The following GLIS1 variants were observed in gnomAD, a reference collection of about 807,000 sequenced individuals.
GLIS1 encodes the protein GLIS family zinc finger 1.
Under a neutral mutation model 63.8 loss-of-function variants are expected in GLIS1, and 24 were observed. That is an observed-to-expected ratio of 0.38 (90% CI 0.27 to 0.53). The LOEUF is 0.53. Among genes scored for constraint, GLIS1 ranks in the 20% least tolerant of loss-of-function variants. The pLI is 0.85. For synonymous variants in GLIS1, 450 were observed against 482.5 expected (o/e 0.93, Z 0.88); for missense variants, 1,036 against 1,074.1 (o/e 0.96, Z 0.50).
chr1:53,597,539 G>T (rs1254986043), intron 3 of GLIS1, among the ~76,000 whole-genome samples: 1 of 152,066 alleles, frequency 6.6e-6, no homozygotes, highest in South Asian at 2.1e-4. Flanking sequence ...TAGTATTAGA[G>T]AGTTAGGCTG....
chr1:53,628,943 C>G (rs1401126026), intron 2 of GLIS1, among the ~76,000 whole-genome samples: 1 of 152,180 alleles, frequency 6.6e-6, no homozygotes, highest in Admixed American at 6.5e-5. Flanking sequence ...CCCAAACTGT[C>G]TGGCACATCA....
intron 5 of GLIS1, among the ~76,000 whole-genome samples, chr1:53,525,285 G>C (rs1202407887): frequency 6.6e-6 from 1 of 151,344 alleles, no homozygotes; most frequent in Non-Finnish European, 1.5e-5. Flanking sequence ...TCTGCAGATG[G>C]GGAGGAGGAG....
At chr1:53,664,995 C>T (rs1417948069) in intron 2 of GLIS1, among the ~76,000 whole-genome samples, 3 of 151,846 alleles carry the variant, frequency 2.0e-5, no homozygotes, top group East Asian at 1.9e-4. Context: ...AGCAATGGGG[C>T]GAGGGGGGCA....
chr1:53,707,229 A>C (rs1458873584), intron 2 of GLIS1, among the ~76,000 whole-genome samples: 1 of 152,200 alleles, frequency 6.6e-6, no homozygotes, highest in Non-Finnish European at 1.5e-5. Flanking sequence ...GGGAAGTCAC[A>C]TAACCTAGAG....
chr1:53,677,127 T>C (rs1010284229), intron 2 of GLIS1, among the ~76,000 whole-genome samples: 4 of 152,246 alleles, frequency 2.6e-5, no homozygotes, highest in African/African-American at 9.6e-5. Context: ...CCTACAGCTC[T>C]GATGACAGAC....
chr1:53,691,670 A>T lies in GLIS1; in HGVS notation c.259+46136T>A, dbSNP rs573906389. Among the ~76,000 whole-genome samples the T allele has an allele frequency of 2.0e-5, 3 of 152,306 alleles. No homozygotes were observed. The South Asian group carries it at 6.2e-4, about 32-fold the overall frequency. Reference sequence around the variant, plus strand: ...CACTCCCTGCAGCCACTCAGCCAGCATCAAATCATACACTGGCCGAGCTTC... The same window carrying T: ...CACTCCCTGCAGCCACTCAGCCAGCTTCAAATCATACACTGGCCGAGCTTC... On this transcript the variant is annotated intron_variant, in intron 2 of 10. Transcript: ENST00000628545.
chr1:53,722,087 T>C (rs968146306), intron 2 of GLIS1, among the ~76,000 whole-genome samples: 3 of 152,138 alleles, frequency 2.0e-5, no homozygotes, highest in African/African-American at 7.2e-5. Flanking sequence ...AAACATATAA[T>C]GAAACCAGAT....
chr1:53,643,261 A>G (rs993009266), intron 2 of GLIS1, among the ~76,000 whole-genome samples: 5 of 152,200 alleles, frequency 3.3e-5, no homozygotes, highest in Non-Finnish European at 7.3e-5. Flanking sequence ...CAGCTCTGTA[A>G]AGTTTTAACG....
chr1:53,514,592 GC>G (rs1644330494), intron 8 of GLIS1, 32 bp downstream of exon 8: 1 of 1,599,516 alleles, frequency 6.3e-7, no homozygotes. Flanking sequence ...CCCCCTTGTT[GC>G]CCCTGGAGGA....
At chr1:53,661,304 T>A (rs1646025968) in intron 2 of GLIS1, among the ~76,000 whole-genome samples, 1 of 151,888 alleles carries the variant, frequency 6.6e-6, no homozygotes. Context: ...GGGGATGAGG[T>A]ACAGGGAGAC....
intron 4 of GLIS1, among the ~76,000 whole-genome samples, chr1:53,581,588 T>C (rs1276715820): frequency 1.3e-5 from 2 of 152,072 alleles, no homozygotes. Flanking sequence ...CATAACAGGA[T>C]TTCAGGTGGA....
At chr1:53,525,729 TA>T (rs932932157) in intron 5 of GLIS1, among the ~76,000 whole-genome samples, 11 of 151,770 alleles carry the variant, frequency 7.2e-5, no homozygotes, top group Admixed American at 1.3e-4. Context: ...CCTGGTGCCC[TA>T]CAGGCCATCT....
chr1:53,558,269 A>G lies in GLIS1; in HGVS notation c.1321-28317T>C, dbSNP rs544376669. Among the ~76,000 whole-genome samples the G allele has an allele frequency of 2.0e-5, 3 of 152,366 alleles. No individual in the cohort carries two copies. The East Asian group carries it at 5.8e-4, about 29-fold the overall frequency. On this transcript the variant is annotated intron_variant, in intron 4 of 10. Transcript: ENST00000628545. ...GACCTCTCCAGGCAGGCCAAGGGTCATGCTGAGAGTCAGCCCAGGGCTTTA... is the reference window on the plus strand; with the variant it reads ...GACCTCTCCAGGCAGGCCAAGGGTCGTGCTGAGAGTCAGCCCAGGGCTTTA...
At chr1:53,614,431 G>A (rs1172254430) in intron 2 of GLIS1, among the ~76,000 whole-genome samples, 1 of 152,104 alleles carries the variant, frequency 6.6e-6, no homozygotes, top group Non-Finnish European at 1.5e-5. Context: ...TCCAGGGCGG[G>A]AACACAGGCC....
At chr1:53,569,000 T>C (rs1452160055) in intron 4 of GLIS1, among the ~76,000 whole-genome samples, 1 of 152,162 alleles carries the variant, frequency 6.6e-6, no homozygotes. Flanking sequence ...TATTGAGCTA[T>C]AAAAAGACCT....
chr1:53,678,167 G>A (rs1399136913), intron 2 of GLIS1, among the ~76,000 whole-genome samples: 1 of 152,108 alleles, frequency 6.6e-6, no homozygotes, highest in Non-Finnish European at 1.5e-5. Context: ...CAGACCTGAT[G>A]ATGTCCCCAA....
In GLIS1 at chr1:53,512,147, T is replaced by A. The variant is rs185007532; in HGVS notation, c.1884-2120A>T. On this transcript the variant is annotated intron_variant, in intron 8 of 10. Coordinates refer to ENST00000628545, the MANE Select transcript of GLIS1 (RefSeq NM_001367484.1). ...TTGCCACCTTCACAGCTGGTGAAAT[T>A]AAACAGAACACAACTCTCTCCACAG... Among the ~76,000 whole-genome samples, 926 of 152,334 alleles carry A rather than the reference T, an allele frequency of 6.1e-3. 4 individuals carry two copies. The highest frequency in any genetic ancestry group is 0.014 in the Middle Eastern group (4 of 294).
rs577278887 is a variant in GLIS1 at position 53,733,725 on chromosome 1, T to C, written c.259+4081A>G. ...ACACACATACTTGTTTCTCTTTGTC[T>C]CACTGAGCCTGACATTTGGCCAGCA... On this transcript the variant is annotated intron_variant, in intron 2 of 10. Coordinates refer to ENST00000628545, the MANE Select transcript of GLIS1 (RefSeq NM_001367484.1). 1.2e-4 allele frequency among the ~76,000 whole-genome samples: 18 copies of C among 152,322 alleles called. No homozygotes were observed. The East Asian group carries it at 3.5e-3, about 29-fold the overall frequency.
chr1:53,701,444 G>A (rs897725511), intron 2 of GLIS1, among the ~76,000 whole-genome samples: 4 of 152,182 alleles, frequency 2.6e-5, no homozygotes, highest in East Asian at 1.9e-4. Flanking sequence ...GCTGTCCAAC[G>A]CCCTCCTCCG....
Sources: gnomAD v4.1 joint callset for allele counts (sites outside exome capture counted in the v4.1 genomes callset) on GRCh38, gnomAD v4.1.1 for gene constraint, MANE v1.5 for transcripts, NCBI Gene and HGNC (gene_info 2026-07-23, HGNC 2026-07-21) for gene names.